Variants in DNAJC1 observed in about 807,000 individuals in gnomAD.
DNAJC1 encodes DnaJ heat shock protein family (Hsp40) member C1, also known as dnaJ homolog subfamily C member 1.
A neutral mutation model predicts 76.6 loss-of-function variants in DNAJC1; 58 were observed. The observed-to-expected ratio is 0.76, with a 90% CI of 0.61 to 0.94. DNAJC1 has a LOEUF of 0.94. Among genes scored for constraint, DNAJC1 ranks in the 40% least tolerant of loss-of-function variants. The probability of loss-of-function intolerance (pLI) is 0.00; values close to 1 mark genes in which losing one functional copy is unlikely to be tolerated. For missense variants in DNAJC1, 689 were observed against 677.3 expected, an observed-to-expected ratio of 1.02 and a Z score of -0.19; for synonymous variants, 258 against 267.9, an observed-to-expected ratio of 0.96 and a Z score of 0.36.
At chr10:21,833,948 TA>T (rs758285793) in intron 8 of DNAJC1, among the ~76,000 whole-genome samples, 1 of 151,186 alleles carries the variant, frequency 6.6e-6, no homozygotes, top group African/African-American at 2.4e-5. Context: ...GGTAAGTTTG[TA>T]AAAAAAAATA....
chr10:21,839,682 G>A (rs948610188), intron 8 of DNAJC1, among the ~76,000 whole-genome samples: 58 of 152,274 alleles, frequency 3.8e-4, no homozygotes, highest in African/African-American at 1.3e-3. Flanking sequence ...ACAAGGAGGA[G>A]CTGGTACCAT....
intron 8 of DNAJC1, among the ~76,000 whole-genome samples, chr10:21,812,373 A>G (rs770668707): frequency 7.2e-5 from 11 of 152,126 alleles, no homozygotes; most frequent in Admixed American, 1.3e-4. Context: ...ATGATCTTGA[A>G]TATCTTCACA....
intron 1 of DNAJC1, among the ~76,000 whole-genome samples, chr10:21,971,362 T>C (rs775760170): frequency 6.6e-6 from 1 of 151,830 alleles, no homozygotes; most frequent in Non-Finnish European, 1.5e-5. Flanking sequence ...CTTAACATAT[T>C]TTACCTTTAG....
intron 11 of DNAJC1, among the ~76,000 whole-genome samples, chr10:21,757,555 T>A (rs1834190625): frequency 6.6e-6 from 1 of 152,226 alleles, no homozygotes. Flanking sequence ...CTTAGTGGTG[T>A]TATGAGAGTC....
intron 9 of DNAJC1, among the ~76,000 whole-genome samples, chr10:21,794,405 T>G (rs183604121): frequency 1.1e-4 from 17 of 152,004 alleles, no homozygotes; most frequent in Non-Finnish European, 2.5e-4. Context: ...TTGTAAAAGC[T>G]CTAAATGAAT....
Position 21,813,817 on chromosome 10 carries a change from G to A in DNAJC1, c.979-7718C>T, listed in dbSNP as rs189148125. ...CAGGATTCCCCATCTGTAATACACC[G>A]CACTGGTTGTTTAGGAGTCAGTTGG... On this transcript the variant is annotated intron_variant, in intron 8 of 11. Coordinates refer to ENST00000376980, the MANE Select transcript of DNAJC1 (RefSeq NM_022365.4). 2.3e-3 allele frequency among the ~76,000 whole-genome samples: 346 copies of A among 152,216 alleles called. 3 individuals carry two copies. The highest frequency in any genetic ancestry group is 7.9e-3 in the African/African-American group (327 of 41,538).
At chr10:21,871,673 A>T (rs1836106746) in intron 8 of DNAJC1, among the ~76,000 whole-genome samples, 1 of 152,042 alleles carries the variant, frequency 6.6e-6, no homozygotes, top group African/African-American at 2.4e-5. Context: ...TTTGAGACAG[A>T]GTCTCACTCT....
rs1357816632 is a variant in DNAJC1, at chr10:21,771,298, C to T, written c.1099-4989G>A. On this transcript the variant is annotated intron_variant, in intron 9 of 11. Transcript: ENST00000376980. The stretch of plus-strand genomic sequence containing the variant: ...TCTTTTTCTTGCCTAAATGCCCTGG[C>T]TAAGACTTCAATACAATGCTGAATA... 2.0e-5 allele frequency among the ~76,000 whole-genome samples: 3 copies of T among 152,162 alleles called. No individual in the cohort carries two copies. The East Asian group carries it at 5.8e-4, about 29-fold the overall frequency.
chr10:21,936,666 T>A (rs1450847695), intron 1 of DNAJC1, among the ~76,000 whole-genome samples: 1 of 152,202 alleles, frequency 6.6e-6, no homozygotes, highest in Non-Finnish European at 1.5e-5. Context: ...GCATCTCACA[T>A]TCTAGCAAAA....
Position 22,003,552 on chromosome 10 carries a change from A to T in DNAJC1, c.-118T>A, listed in dbSNP as rs61850563. 74,175 of 1,204,238 alleles carry T rather than the reference A, an allele frequency of 0.062. 2,579 individuals carry two copies. The highest frequency in any genetic ancestry group is 0.07 in the Non-Finnish European group (67,090 of 953,958). The allele number at this position is 1,204,238 out of a possible 1,614,324, so 74.6% of individuals were successfully genotyped here. A position where few individuals can be genotyped will look rare whatever the true frequency, so the allele number is the denominator to read the frequency against. On this transcript the variant is annotated 5_prime_UTR_variant, in exon 1 of 12. Coordinates refer to ENST00000376980, the MANE Select transcript of DNAJC1 (RefSeq NM_022365.4). Reference sequence around the variant, plus strand: ...GTCAGTGAAAAGCGCGGGCAGGCGCACCGGAGCGGCCCGCCAGGTGGCTGG... The same window carrying T: ...GTCAGTGAAAAGCGCGGGCAGGCGCTCCGGAGCGGCCCGCCAGGTGGCTGG...
chr10:21,837,326 C>T (rs958517563), intron 8 of DNAJC1, among the ~76,000 whole-genome samples: 12 of 152,178 alleles, frequency 7.9e-5, no homozygotes, highest in African/African-American at 2.7e-4. Flanking sequence ...CTCTGCCCGG[C>T]CGCCACCCCG....
At chr10:21,789,960 A>G (rs1160975735) in intron 9 of DNAJC1, among the ~76,000 whole-genome samples, 1 of 150,522 alleles carries the variant, frequency 6.6e-6, no homozygotes, top group Non-Finnish European at 1.5e-5. Context: ...CAGTGAGCCA[A>G]GACTAAGCCA....
intron 9 of DNAJC1, among the ~76,000 whole-genome samples, chr10:21,794,212 G>A (rs1048173382): frequency 2.2e-5 from 3 of 135,264 alleles, no homozygotes; most frequent in Non-Finnish European, 4.6e-5. Context: ...CAAAGTTTCA[G>A]TTATCTATGA....
Position 21,776,997 on chromosome 10 carries a change from T to C in DNAJC1, c.1099-10688A>G, listed in dbSNP as rs143085132. Among the ~76,000 whole-genome samples the C allele has an allele frequency of 2.6e-3, 397 of 152,310 alleles. 1 individual carries two copies. Among genetic ancestry groups the C allele is most frequent in the African/African-American group, 8.9e-3 (370 of 41,580 alleles). On this transcript the variant is annotated intron_variant, in intron 9 of 11. Coordinates refer to ENST00000376980, the MANE Select transcript of DNAJC1 (RefSeq NM_022365.4). ...GCATTAACATGTAATAGCTCAGGTA[T>C]CACCATTCTATTGACTTGCTGCATT...
At chr10:21,796,365 C>A (rs1834750732) in intron 9 of DNAJC1, among the ~76,000 whole-genome samples, 2 of 152,124 alleles carry the variant, frequency 1.3e-5, no homozygotes, top group Admixed American at 6.6e-5. Context: ...AGGCTGTTTC[C>A]ATGTCTTGGC....
intron 8 of DNAJC1, among the ~76,000 whole-genome samples, chr10:21,872,592 C>G (rs1482501895): frequency 6.6e-6 from 1 of 151,984 alleles, no homozygotes; most frequent in Non-Finnish European, 1.5e-5. Context: ...AATCAGCAAA[C>G]TTGAGGATAT....
intron 9 of DNAJC1, among the ~76,000 whole-genome samples, chr10:21,801,059 C>T (rs763336086): frequency 2.0e-5 from 3 of 152,094 alleles, no homozygotes; most frequent in Non-Finnish European, 4.4e-5. Flanking sequence ...CAGCAGTTTA[C>T]TCAGCTGTAA....
At chr10:21,973,302 G>C (rs532560071) in intron 1 of DNAJC1, among the ~76,000 whole-genome samples, 1 of 152,112 alleles carries the variant, frequency 6.6e-6, no homozygotes. Context: ...ATTAGGTTAA[G>C]TTTTAATAAC....
At chr10:21,835,660 C>T (rs1287539790) in intron 8 of DNAJC1, among the ~76,000 whole-genome samples, 5 of 152,180 alleles carry the variant, frequency 3.3e-5, no homozygotes, top group Admixed American at 1.3e-4. Context: ...AACCAACACA[C>T]GAGAGCTACG....
Sources: allele counts gnomAD v4.1 joint callset (sites outside exome capture counted in the v4.1 genomes callset), GRCh38; gene constraint gnomAD v4.1.1; transcripts MANE v1.5; gene names NCBI Gene and HGNC (gene_info 2026-07-23, HGNC 2026-07-21).